The following MYCBP2 variants were observed in gnomAD, a reference collection of about 807,000 sequenced individuals.
MYCBP2 encodes the protein E3 ubiquitin-protein ligase MYCBP2.
Under a neutral mutation model 525.3 loss-of-function variants are expected in MYCBP2, and 120 were observed. The ratio of observed to expected loss-of-function variants is 0.23; its 90% CI spans 0.20 to 0.27. The LOEUF (loss-of-function observed/expected upper bound fraction) is 0.27, where lower values mean the gene tolerates loss of function less well. MYCBP2 is among the 10% of genes least tolerant of loss of function. MYCBP2 has a pLI of 1.00. For synonymous variants in MYCBP2, 1,894 were observed against 1,955.8 expected (o/e 0.97, Z 0.83); for missense variants, 4,149 against 5,657.1 (o/e 0.73, Z 8.55).
chr13:77,054,412 T>C (rs865900633), intron 80 of MYCBP2, among the ~76,000 whole-genome samples: 22 of 151,960 alleles, frequency 1.4e-4, no homozygotes, highest in African/African-American at 4.4e-4. Context: ...AAGTATTAAT[T>C]AGCAGCAGTG....
chr13:77,215,358 G>T (rs2064670479), intron 21 of MYCBP2, among the ~76,000 whole-genome samples: 1 of 152,104 alleles, frequency 6.6e-6, no homozygotes, highest in African/African-American at 2.4e-5. Flanking sequence ...GCAGGTGGGA[G>T]GGGAAAGAGC....
chr13:77,251,281 A>G lies in MYCBP2; in HGVS notation c.2251T>C (p.Ser751Pro). ...EEELDEKDEK[S>P]MMCPPGMHKW... The stretch of plus-strand genomic sequence containing the variant: ...TGCATGCCTGGAGGGCACATCATAG[A>G]CTTCTCATCTTTTTCATCTAGTTCT... The change falls in exon 15 of 83, where the codon TCT (serine) becomes CCT (proline). Residue 751 changes from serine to proline, a missense_variant. By Grantham distance (74) the Ser-to-Pro change is moderately conservative. Coordinates refer to ENST00000544440, the MANE Select transcript of MYCBP2 (RefSeq NM_015057.5). The G allele has an allele frequency of 6.2e-7, 1 of 1,614,116 alleles. No individual in the cohort carries two copies. Among genetic ancestry groups the G allele is most frequent in the Non-Finnish European group, 8.5e-7 (1 of 1,180,010 alleles).
At chr13:77,217,155 TAC>T (rs2064935852) in intron 21 of MYCBP2, among the ~76,000 whole-genome samples, 3 of 152,260 alleles carry the variant, frequency 2.0e-5, no homozygotes, top group African/African-American at 7.2e-5. Context: ...AGTACACATT[TAC>T]AGTTTTTAAA....
At chr13:77,280,018 A>G (rs7331598) in intron 3 of MYCBP2, among the ~76,000 whole-genome samples, 8,350 of 152,304 alleles carry the variant, frequency 0.055, 382 homozygotes, top group East Asian at 0.17. Flanking sequence ...TGCCTAGCCA[A>G]TTACCTAGCA....
chr13:77,272,444 G>C (rs1320272764), intron 5 of MYCBP2: 1 of 152,088 alleles, frequency 6.6e-6, no homozygotes, highest in African/African-American at 2.4e-5. Flanking sequence ...CTCATATGTT[G>C]GTGGTCACTA....
chr13:77,288,174 A>C lies in MYCBP2; in HGVS notation c.581T>G (p.Ile194Ser), dbSNP rs751376742. 6.2e-7 allele frequency: 1 copy of C among 1,614,060 alleles called. No homozygotes were observed. The highest frequency in any genetic ancestry group is 1.1e-5 in the South Asian group (1 of 91,066). ...DEEEESKEPP[I>S]KLPKIIEVGL... Reference sequence around the variant, plus strand: ...TCAGTGGCTTACCTTTGGAAGCTTGATAGGGGGCTCTTTGGATTCCTCTTC... The same window carrying C: ...TCAGTGGCTTACCTTTGGAAGCTTGCTAGGGGGCTCTTTGGATTCCTCTTC... The change falls in exon 3 of 83, where the codon ATC becomes AGC. Residue 194 changes from isoleucine to serine, a missense_variant. Transcript: ENST00000544440.
intron 55 of MYCBP2, among the ~76,000 whole-genome samples, chr13:77,104,236 A>T (rs1418547637): frequency 2.6e-5 from 4 of 152,036 alleles, no homozygotes; most frequent in Admixed American, 6.6e-5. Context: ...CACTTTTCTT[A>T]AAAAAAGTGC....
In MYCBP2 at chr13:77,298,270, C is replaced by T. The variant is rs569661618; in HGVS notation, c.303-1596G>A. Among the ~76,000 whole-genome samples the T allele has an allele frequency of 1.8e-4, 28 of 152,374 alleles. No homozygotes were observed. The South Asian group carries it at 5.4e-3, about 29-fold the overall frequency. ...CCACGTCTTCTCCTGCTAACCACTA[C>T]TTATCTTCGAGGTCTCAGCATAAGT... On this transcript the variant is annotated intron_variant, in intron 1 of 82. Transcript: ENST00000544440.
At chr13:77,099,261 T>C in intron 55 of MYCBP2, 2 of 503,912 alleles carry the variant, frequency 4.0e-6, no homozygotes, top group East Asian at 3.8e-5. Flanking sequence ...ACAAATCCAG[T>C]GTGAACTATC....
rs147297931 is a variant in MYCBP2 at position 77,052,344 on chromosome 13, G to A, written c.13648-426C>T. 8.5e-5 allele frequency among the ~76,000 whole-genome samples: 13 copies of A among 152,232 alleles called. No homozygotes were observed. The East Asian group carries it at 2.5e-3, about 29-fold the overall frequency. On this transcript the variant is annotated intron_variant, in intron 80 of 82. Transcript: ENST00000544440. ...CTCCTGAGTGGCTAGGATCATAGGT[G>A]CACGCCACCACACCCGGCTAATTGT...
At position 77,203,573 on chromosome 13, in the gene MYCBP2, A is replaced by T. The variant is rs183066274; in HGVS notation, c.3843+1683T>A. ...TAAAGTTCATATGGAACCAAAAAAGAGCCCGCAAGACCAAGTCAATCCTAA... is the reference window on the plus strand; with the variant it reads ...TAAAGTTCATATGGAACCAAAAAAGTGCCCGCAAGACCAAGTCAATCCTAA... On this transcript the variant is annotated intron_variant, in intron 26 of 82. Coordinates refer to ENST00000544440, the MANE Select transcript of MYCBP2 (RefSeq NM_015057.5). Among the ~76,000 whole-genome samples the T allele has an allele frequency of 1.6e-4, 24 of 152,338 alleles. No individual in the cohort carries two copies. In the East Asian group the frequency reaches 4.6e-3, roughly 29 times the overall value.
intron 66 of MYCBP2, among the ~76,000 whole-genome samples, chr13:77,078,458 C>A (rs2042710853): frequency 6.6e-6 from 1 of 152,172 alleles, no homozygotes; most frequent in Non-Finnish European, 1.5e-5. Context: ...ACAGATTTTT[C>A]AGGCCAGAGG....
chr13:77,245,728 T>A (rs373637205), intron 15 of MYCBP2, among the ~76,000 whole-genome samples: 6 of 138,346 alleles, frequency 4.3e-5, no homozygotes, highest in East Asian at 4.2e-4. Context: ...TGCACATGTA[T>A]CCCAGAACGT....
At chr13:77,278,446 C>T (rs986672887) in intron 4 of MYCBP2, among the ~76,000 whole-genome samples, 3 of 152,102 alleles carry the variant, frequency 2.0e-5, no homozygotes, top group Non-Finnish European at 4.4e-5. Flanking sequence ...GAACTTATAC[C>T]CCTGCTGTTT....
chr13:77,080,987 T>C (rs944159997), intron 65 of MYCBP2: 1 of 155,334 alleles, frequency 6.4e-6, no homozygotes, highest in African/African-American at 2.4e-5. Flanking sequence ...AAGATTATTA[T>C]TAAGTGCCAC....
intron 52 of MYCBP2, among the ~76,000 whole-genome samples, chr13:77,128,148 A>T (rs1376478112): frequency 6.6e-6 from 1 of 151,910 alleles, no homozygotes; most frequent in Non-Finnish European, 1.5e-5. Flanking sequence ...CACAGAGAGC[A>T]CTCAAGATAA....
chr13:77,126,294 TCATGAAGCTA>T lies in MYCBP2; in HGVS notation c.7884+14_7884+23del. ...ACATTAAAAATGAGTATCTTAGAAGTCATGAAGCTACAAGAATCCATACCTCTCCCACTGC... is the reference window on the plus strand; with the variant it reads ...ACATTAAAAATGAGTATCTTAGAAGTCAAGAATCCATACCTCTCCCACTGC... On this transcript the variant is annotated intron_variant, in intron 53 of 82. Transcript: ENST00000544440. 6.3e-7 allele frequency: 1 copy of T among 1,594,032 alleles called. No homozygotes were observed. The highest frequency in any genetic ancestry group is 1.1e-5 in the South Asian group (1 of 90,114).
At chr13:77,304,263 G>GAT (rs1381463187) in intron 1 of MYCBP2, among the ~76,000 whole-genome samples, 3 of 152,226 alleles carry the variant, frequency 2.0e-5, no homozygotes, top group South Asian at 2.1e-4. Flanking sequence ...AAGAAAATGT[G>GAT]ATATATATAC....
chr13:77,206,981 T>A (rs1389764643), intron 23 of MYCBP2, among the ~76,000 whole-genome samples, 156 bp from the exon 24 acceptor site: 1 of 143,264 alleles, frequency 7.0e-6, no homozygotes, highest in African/African-American at 2.5e-5. Flanking sequence ...GCTAAACATA[T>A]AAAAAAACTA....
Sources: allele counts gnomAD v4.1 joint callset (sites outside exome capture counted in the v4.1 genomes callset), GRCh38; gene constraint gnomAD v4.1.1; transcripts MANE v1.5; gene names NCBI Gene and HGNC (gene_info 2026-07-23, HGNC 2026-07-21).